The following PPP1R1C variants were observed in gnomAD, a reference collection of about 807,000 sequenced individuals.
The protein encoded by PPP1R1C is protein phosphatase 1 regulatory inhibitor subunit 1C.
Under a neutral mutation model 17.4 loss-of-function variants are expected in PPP1R1C, and 15 were observed. That is an observed-to-expected ratio of 0.86 (90% CI 0.58 to 1.33). The LOEUF is 1.33. PPP1R1C is among the 40% of genes most tolerant of loss of function. The pLI is 0.00. For missense variants in PPP1R1C, 143 were observed against 130.0 expected (o/e 1.10, Z -0.48); for synonymous variants, 35 against 43.1 (o/e 0.81, Z 0.73).
At chr2:181,984,571 G>A (rs114147664), upstream of PPP1R1C, among the ~76,000 whole-genome samples, 2,934 of 152,226 alleles carry the variant, frequency 0.019, 37 homozygotes, top group Non-Finnish European at 0.031. Flanking sequence ...TCCACTAAAA[G>A]TGCTTTCACA....
downstream of PPP1R1C, chr2:182,130,934 A>G (rs1286146005): frequency 1.3e-5 from 2 of 152,228 alleles, no homozygotes; most frequent in Non-Finnish European, 2.9e-5. Flanking sequence ...AGCTCGAGCT[A>G]CACACTTTTA....
intron 2 of PPP1R1C, among the ~76,000 whole-genome samples, chr2:182,036,402 A>G (rs1293484273): frequency 1.3e-5 from 2 of 152,210 alleles, no homozygotes; most frequent in Non-Finnish European, 2.9e-5. Context: ...CTTATTAAAT[A>G]GTTACTGGAT....
intron 2 of PPP1R1C, among the ~76,000 whole-genome samples, chr2:181,996,731 T>TTCCA (rs1485262313): frequency 6.6e-6 from 1 of 152,216 alleles, no homozygotes; most frequent in African/African-American, 2.4e-5. Context: ...GGGAGCAATT[T>TTCCA]TCCATCATTA....
intron 4 of PPP1R1C, among the ~76,000 whole-genome samples, chr2:182,112,524 A>G (rs551756312): frequency 6.6e-6 from 1 of 152,270 alleles, no homozygotes; most frequent in Admixed American, 6.5e-5. Context: ...GAAATCAATA[A>G]CAGTGGAAGA....
intron 4 of PPP1R1C, among the ~76,000 whole-genome samples, chr2:182,104,147 A>G (rs1031939384): frequency 6.6e-6 from 1 of 152,204 alleles, no homozygotes; most frequent in African/African-American, 2.4e-5. Flanking sequence ...TGTTGTCTGC[A>G]AACAAGGGCA....
chr2:182,124,720 G>T (rs145767542), intron 5 of PPP1R1C, among the ~76,000 whole-genome samples: 4,237 of 152,176 alleles, frequency 0.028, 186 homozygotes, highest in African/African-American at 0.097. Flanking sequence ...GTATAGGAAT[G>T]CTTGTGATTT....
At chr2:182,111,762 A>G (rs752245157) in intron 4 of PPP1R1C, among the ~76,000 whole-genome samples, 9 of 151,768 alleles carry the variant, frequency 5.9e-5, no homozygotes, top group Non-Finnish European at 1.2e-4. Context: ...ATACAATTAT[A>G]TAGAAATTAT....
intron 1 of PPP1R1C, among the ~76,000 whole-genome samples, chr2:181,969,054 C>T (rs1464840125): frequency 6.6e-6 from 1 of 152,034 alleles, no homozygotes; most frequent in African/African-American, 2.4e-5. Flanking sequence ...TCTTATTGTA[C>T]TTCTTATCCT....
intron 4 of PPP1R1C, among the ~76,000 whole-genome samples, chr2:182,099,888 T>C (rs1689047470): frequency 6.6e-6 from 1 of 152,154 alleles, no homozygotes; most frequent in Non-Finnish European, 1.5e-5. Context: ...AAGGAAAGTA[T>C]GAAATCAGCT....
At chr2:182,044,055 G>A (rs925411499) in intron 2 of PPP1R1C, among the ~76,000 whole-genome samples, 4 of 152,144 alleles carry the variant, frequency 2.6e-5, no homozygotes, top group African/African-American at 9.6e-5. Context: ...TCGAGTCATT[G>A]TGCAAGTCGA....
chr2:182,001,244 A>G (rs192424485), intron 2 of PPP1R1C, among the ~76,000 whole-genome samples: 1 of 152,296 alleles, frequency 6.6e-6, no homozygotes, highest in Non-Finnish European at 1.5e-5. Context: ...ACATGCTTTG[A>G]GATAGGCATC....
chr2:182,014,843 T>G (rs1686209907), intron 2 of PPP1R1C, among the ~76,000 whole-genome samples: 1 of 150,998 alleles, frequency 6.6e-6, no homozygotes, highest in Admixed American at 6.6e-5. Context: ...AGGTCCATGG[T>G]GAGTACTGCC....
At position 182,034,463 on chromosome 2, in the gene PPP1R1C, G is replaced by C. The variant is rs971662786; in HGVS notation, c.143-26979G>C. On this transcript the variant is annotated intron_variant, in intron 2 of 4. Coordinates refer to ENST00000682840, the MANE Select transcript of PPP1R1C (RefSeq NM_001080545.3). The stretch of plus-strand genomic sequence containing the variant: ...CCTGAGGTGGGAAGAAGAATAACAT[G>C]TTTGAGGAACAAAAAGAAGGTCATT... Among the ~76,000 whole-genome samples the C allele has an allele frequency of 3.9e-5, 6 of 152,226 alleles. No individual in the cohort carries two copies. In the South Asian group the frequency reaches 1.2e-3, roughly 32 times the overall value.
Position 181,971,046 on chromosome 2 carries a change from C to A in PPP1R1C, n.112-4173C>A, listed in dbSNP as rs1684997260. Among the ~76,000 whole-genome samples, 3 of 152,106 alleles carry A rather than the reference C, an allele frequency of 2.0e-5. No individual in the cohort carries two copies. The South Asian group carries it at 6.2e-4, about 32-fold the overall frequency. ...GGCCTGGAATCAGGAGCCCAAAGAG[C>A]CCACCTAGTGCTCTACCCCATTGTG... On this transcript the variant is annotated intron_variant and non_coding_transcript_variant, in intron 1 of 5. Coordinates refer to the PPP1R1C transcript ENST00000464264.
At chr2:182,060,366 G>A (rs1263242630) in intron 2 of PPP1R1C, among the ~76,000 whole-genome samples, 1 of 151,992 alleles carries the variant, frequency 6.6e-6, no homozygotes, top group African/African-American at 2.4e-5. Context: ...ATATTTGTGT[G>A]CATATATATG....
intron 4 of PPP1R1C, among the ~76,000 whole-genome samples, chr2:182,110,336 G>A (rs571468137): frequency 6.6e-6 from 1 of 152,164 alleles, no homozygotes; most frequent in Admixed American, 6.5e-5. Context: ...TTTAAAAACT[G>A]ATATATAAAA....
intron 2 of PPP1R1C, among the ~76,000 whole-genome samples, chr2:182,000,464 A>C (rs1030567425): frequency 6.6e-6 from 1 of 152,160 alleles, no homozygotes; most frequent in African/African-American, 2.4e-5. Context: ...GCCTCCTGAC[A>C]TCAAAAGGTC....
chr2:181,998,090 G>A (rs1685664440), intron 2 of PPP1R1C, among the ~76,000 whole-genome samples: 1 of 152,172 alleles, frequency 6.6e-6, no homozygotes, highest in Admixed American at 6.5e-5. Context: ...ACACTGGGAG[G>A]CCATTTTGTG....
At chr2:182,110,629 T>C (rs1341282564) in intron 4 of PPP1R1C, among the ~76,000 whole-genome samples, 1 of 152,200 alleles carries the variant, frequency 6.6e-6, no homozygotes, top group Non-Finnish European at 1.5e-5. Context: ...CTGGACATGG[T>C]AAAAGAAACA....
Sources: gnomAD v4.1 joint callset for allele counts (sites outside exome capture counted in the v4.1 genomes callset) on GRCh38, gnomAD v4.1.1 for gene constraint, MANE v1.5 for transcripts, NCBI Gene and HGNC (gene_info 2026-07-23, HGNC 2026-07-21) for gene names.